The following ZNF431 variants were observed in gnomAD, a reference collection of about 807,000 sequenced individuals.
The protein encoded by ZNF431 is zinc finger protein 431.
Under a neutral mutation model 57.0 loss-of-function variants are expected in ZNF431, and 34 were observed. The ratio of observed to expected loss-of-function variants is 0.60; its 90% CI spans 0.45 to 0.79. The LOEUF is 0.79. ZNF431 is among the 30% of genes least tolerant of loss of function. ZNF431 has a pLI of 0.00. For missense variants in ZNF431, 607 were observed against 667.1 expected, an observed-to-expected ratio of 0.91 and a Z score of 0.99; for synonymous variants, 207 against 220.3, an observed-to-expected ratio of 0.94 and a Z score of 0.54.
chr19:21,166,226 A>G, intron 2 of ZNF431, 109 bp from the exon 3 acceptor site: 1 of 1,444,546 alleles, frequency 6.9e-7, no homozygotes, highest in Non-Finnish European at 9.3e-7. Flanking sequence ...TATTCTTATA[A>G]GTCAGAATCA....
At chr19:21,155,513 T>A (rs895145180) in intron 2 of ZNF431, among the ~76,000 whole-genome samples, 1 of 152,354 alleles carries the variant, frequency 6.6e-6, no homozygotes. Context: ...GGCTCCTTTT[T>A]GGTTCCATAT....
At chr19:21,144,549 A>G (rs757646485) in intron 2 of ZNF431, among the ~76,000 whole-genome samples, 12 of 152,098 alleles carry the variant, frequency 7.9e-5, no homozygotes, top group Non-Finnish European at 1.6e-4. Context: ...GGGTTTTAGA[A>G]AAAAAATTAA....
Position 21,182,633 on chromosome 19 carries a change from T to G in ZNF431, c.330T>G (p.Ser110=). The G allele has an allele frequency of 1.3e-6, 2 of 1,595,456 alleles. No homozygotes were observed. Among genetic ancestry groups the G allele is most frequent in the Middle Eastern group, 1.7e-4 (1 of 5,904 alleles). ...EMVDEPPAMC[S]YFTKDLWPEQ... is the part of the protein sequence containing the mutation. Reference sequence around the variant, plus strand: ...TTGTATTTCTTTCAGCTATGTGTTCTTATTTTACCAAAGACCTTTGGCCAG... The same window carrying G: ...TTGTATTTCTTTCAGCTATGTGTTCGTATTTTACCAAAGACCTTTGGCCAG... Residue 110 remains serine, a synonymous_variant, in exon 5 of 5, where the codon TCT becomes TCG. Coordinates refer to ENST00000311048, the MANE Select transcript of ZNF431 (RefSeq NM_133473.4).
chr19:21,149,700 A>G (rs1339694261), intron 2 of ZNF431: 4 of 596,224 alleles, frequency 6.7e-6, no homozygotes, highest in East Asian at 7.6e-5. Flanking sequence ...GAGCTTGGCG[A>G]TCTGAGCCAC....
chr19:21,182,642 C>T lies in ZNF431; in HGVS notation c.339C>T (p.Thr113=). ...TTTCAGCTATGTGTTCTTATTTTAC[C>T]AAAGACCTTTGGCCAGAGCAAGACA... ...DEPPAMCSYF[T]KDLWPEQDIK... is the part of the protein sequence containing the mutation. Residue 113 remains threonine, a synonymous_variant, in exon 5 of 5, where the codon ACC becomes ACT. Coordinates refer to ENST00000311048, the MANE Select transcript of ZNF431 (RefSeq NM_133473.4). 6.3e-7 allele frequency: 1 copy of T among 1,597,848 alleles called. No homozygotes were observed. The highest frequency in any genetic ancestry group is 8.5e-7 in the Non-Finnish European group (1 of 1,174,636).
At chr19:21,162,145 TGTGTGTGTGTGTGTGTGTGTGTG>T (rs1236713215) in intron 2 of ZNF431, among the ~76,000 whole-genome samples, 1 of 125,336 alleles carries the variant, frequency 8.0e-6, no homozygotes, top group Non-Finnish European at 1.7e-5. Flanking sequence ...TCCAGCTAAT[TGTGTGTGTGTGTGTGTGTGTGTG>T]TGTGTGTGTG....
chr19:21,170,917 C>T (rs1249427533), intron 4 of ZNF431, among the ~76,000 whole-genome samples: 1 of 152,182 alleles, frequency 6.6e-6, no homozygotes, highest in Non-Finnish European at 1.5e-5. Context: ...TTGTGATCCA[C>T]CTGCCTCGGC....
At chr19:21,178,817 G>GT (rs1555711092) in intron 4 of ZNF431, among the ~76,000 whole-genome samples, 6 of 150,550 alleles carry the variant, frequency 4.0e-5, no homozygotes, top group South Asian at 2.1e-4. Context: ...GTGTGTGTGT[G>GT]TGTTGTTGTT....
chr19:21,170,063 C>T (rs571351872), intron 4 of ZNF431, among the ~76,000 whole-genome samples: 3 of 152,294 alleles, frequency 2.0e-5, no homozygotes, highest in Admixed American at 2.0e-4. Flanking sequence ...ACCAAGGGTC[C>T]TGTAATTTCC....
chr19:21,177,283 G>T (rs951956990), intron 4 of ZNF431, among the ~76,000 whole-genome samples: 2 of 152,122 alleles, frequency 1.3e-5, no homozygotes, highest in Non-Finnish European at 2.9e-5. Context: ...TATTAAAAGG[G>T]AATCCTTTTC....
At chr19:21,157,148 G>C (rs536733256) in intron 2 of ZNF431, among the ~76,000 whole-genome samples, 97 of 151,890 alleles carry the variant, frequency 6.4e-4, no homozygotes, top group Non-Finnish European at 1.0e-3. Context: ...GTCTTTGTTT[G>C]TTTGTTTGAG....
At chr19:21,156,321 A>G (rs1321200746) in intron 2 of ZNF431, among the ~76,000 whole-genome samples, 1 of 152,100 alleles carries the variant, frequency 6.6e-6, no homozygotes, top group Non-Finnish European at 1.5e-5. Flanking sequence ...TGTAGAACAA[A>G]CAACTCCTTG....
At chr19:21,166,623 A>G (rs1178761435) in intron 3 of ZNF431, among the ~76,000 whole-genome samples, 162 bp downstream of exon 3, 1 of 152,116 alleles carries the variant, frequency 6.6e-6, no homozygotes, top group Non-Finnish European at 1.5e-5. Context: ...GAATTTCTTC[A>G]ACGTGTTTCA....
intron 4 of ZNF431, among the ~76,000 whole-genome samples, chr19:21,178,341 A>G (rs1971115744): frequency 6.6e-6 from 1 of 152,040 alleles, no homozygotes; most frequent in East Asian, 1.9e-4. Flanking sequence ...AGAACTTCCA[A>G]TACTATGTTA....
At position 21,188,573 on chromosome 19, in the gene ZNF431, G is replaced by T. The variant is rs1423462785; in HGVS notation, c.*4539G>T. ...TGGATTTAAAATTTTGAAAAATAAT[G>T]TCTTTTCTATATTGATTTTACAATT... On this transcript the variant is annotated 3_prime_UTR_variant, in exon 5 of 5. Transcript: ENST00000311048. The T allele has an allele frequency of 6.6e-6, 1 of 151,958 alleles. No individual in the cohort carries two copies. The highest frequency in any genetic ancestry group is 1.5e-5 in the Non-Finnish European group (1 of 67,982). The allele number at this position is 151,958 out of a possible 1,614,324, so 9.4% of individuals were successfully genotyped here.
chr19:21,145,164 T>C (rs1361499565), intron 2 of ZNF431, among the ~76,000 whole-genome samples: 4 of 152,198 alleles, frequency 2.6e-5, no homozygotes, highest in African/African-American at 9.7e-5. Flanking sequence ...AAGGCTAATA[T>C]TGAGCCTACA....
chr19:21,150,768 A>G (rs980600554), intron 2 of ZNF431, among the ~76,000 whole-genome samples: 5 of 152,182 alleles, frequency 3.3e-5, no homozygotes, highest in African/African-American at 1.2e-4. Context: ...AGCCATTCCA[A>G]AAGTATAGTT....
intron 2 of ZNF431, among the ~76,000 whole-genome samples, chr19:21,152,973 G>A (rs535214097): frequency 1.1e-4 from 17 of 152,300 alleles, no homozygotes; most frequent in Admixed American, 2.0e-4. Flanking sequence ...TAAGTAAATA[G>A]AAGAATGGCT....
chr19:21,193,861 G>C lies in ZNF431; in HGVS notation c.*9827G>C, dbSNP rs1971554097. The C allele has an allele frequency of 6.6e-6, 1 of 152,050 alleles. No individual in the cohort carries two copies. The highest frequency in any genetic ancestry group is 2.1e-4 in the South Asian group (1 of 4,834). 9.4% of individuals were successfully genotyped at this position (152,050 alleles called of 1,614,324 possible). On this transcript the variant is annotated 3_prime_UTR_variant, in exon 5 of 5. Transcript: ENST00000311048. The stretch of plus-strand genomic sequence containing the variant: ...ATTCATTTATGAAAATATTCTCTAA[G>C]CAATGATGAAACATACCTCACAATA...
Sources: gnomAD v4.1 joint callset for allele counts (sites outside exome capture counted in the v4.1 genomes callset) on GRCh38, gnomAD v4.1.1 for gene constraint, MANE v1.5 for transcripts, NCBI Gene and HGNC (gene_info 2026-07-23, HGNC 2026-07-21) for gene names.